The following CCNL2 variants were observed in gnomAD, a reference collection of about 807,000 sequenced individuals.
The protein encoded by CCNL2 is cyclin-L2.
Under a neutral mutation model 59.1 loss-of-function variants are expected in CCNL2, and 28 were observed. The ratio of observed to expected loss-of-function variants is 0.47; its 90% confidence interval spans 0.35 to 0.65. CCNL2 has a LOEUF of 0.65. CCNL2 is among the 30% of genes least tolerant of loss of function. The pLI is 0.00. For synonymous variants in CCNL2, 342 were observed against 288.6 expected, an observed-to-expected ratio of 1.19 and a Z score of -1.88; for missense variants, 714 against 717.4, an observed-to-expected ratio of 1.00 and a Z score of 0.05.
At chr1:1,392,286 G>T in intron 5 of CCNL2, 1 of 953,890 alleles carries the variant, frequency 1.0e-6, no homozygotes, top group South Asian at 4.8e-5. Context: ...GAAATCTTGA[G>T]AACATATAAA....
intron 5 of CCNL2, chr1:1,392,884 G>C: frequency 7.1e-7 from 1 of 1,403,642 alleles, no homozygotes; most frequent in Non-Finnish European, 1.0e-6. Context: ...AATTCAGTCA[G>C]CAAAAATATG....
At position 1,390,317 on chromosome 1, in the gene CCNL2, C is replaced by G; in HGVS notation, c.919G>C (p.Glu307Gln). The change falls in exon 8 of 11, where the codon GAG becomes CAG. Residue 307 changes from glutamate to glutamine, a missense_variant. By Grantham distance (29) the Glu-to-Gln change is conservative (BLOSUM62 2). Coordinates refer to ENST00000400809, the MANE Select transcript of CCNL2 (RefSeq NM_030937.6). ...EVEKRKHAIEEAKAQARGLLP... is the reference protein window; with the variant it reads ...EVEKRKHAIEQAKAQARGLLP... ...AGGCCCCGGGCTTGGGCCTTTGCCT[C>G]TTCGATAGCGTGCTTTCTTTTTTCC... The G allele has an allele frequency of 6.2e-7, 1 of 1,614,020 alleles. No homozygotes were observed. The highest frequency in any genetic ancestry group is 1.1e-5 in the South Asian group (1 of 91,072).
In CCNL2 at chr1:1,386,637, TAA is replaced by T. The variant is rs1484150008; in HGVS notation, c.*592_*593del. ...CACAGATCCAAATACCCTCACATTT[TAA>T]AAGTCAGGATTCCCTACACAAGTTT... On this transcript the variant is annotated 3_prime_UTR_variant, in exon 11 of 11. Transcript: ENST00000400809. The T allele has an allele frequency of 6.6e-6, 1 of 152,608 alleles. No individual in the cohort carries two copies. The highest frequency in any genetic ancestry group is 1.9e-4 in the East Asian group (1 of 5,192). 9.5% of individuals were successfully genotyped at this position (152,608 alleles called of 1,614,324 possible).
At chr1:1,393,012 A>G (rs1208874417) in intron 5 of CCNL2, 3 of 623,576 alleles carry the variant, frequency 4.8e-6, no homozygotes. Flanking sequence ...TCGGCCCCAG[A>G]ACCTTCTCTG....
chr1:1,394,820 A>G (rs1236308091), intron 4 of CCNL2, among the ~76,000 whole-genome samples: 1 of 149,142 alleles, frequency 6.7e-6, no homozygotes, highest in African/African-American at 2.5e-5. Context: ...GCACTTTGGG[A>G]GGCCAAGGTG....
chr1:1,388,304 C>CA (rs751409395), intron 8 of CCNL2: 8 of 511,142 alleles, frequency 1.6e-5, no homozygotes, highest in Non-Finnish European at 2.8e-5. Flanking sequence ...GGGCGGATCA[C>CA]AAAGTCAATA....
intron 4 of CCNL2, 199 bp downstream of exon 4, chr1:1,395,195 G>A (rs1376980129): frequency 1.2e-5 from 6 of 502,954 alleles, no homozygotes; most frequent in Non-Finnish European, 2.1e-5. Flanking sequence ...ACTTAAAAAT[G>A]TGTTACTAAA....
chr1:1,389,639 C>A (rs1010920233), intron 8 of CCNL2, among the ~76,000 whole-genome samples: 1 of 152,098 alleles, frequency 6.6e-6, no homozygotes, highest in Non-Finnish European at 1.5e-5. Flanking sequence ...CATAGCAAGA[C>A]CCAGACTCAA....
intron 3 of CCNL2, among the ~76,000 whole-genome samples, chr1:1,396,451 A>T (rs1320038711): frequency 6.7e-6 from 1 of 149,798 alleles, no homozygotes; most frequent in African/African-American, 2.5e-5. Flanking sequence ...TTTGTAGTAG[A>T]GATGGGGTTT....
intron 3 of CCNL2, among the ~76,000 whole-genome samples, chr1:1,397,980 G>C (rs763432259): frequency 2.6e-5 from 4 of 152,200 alleles, no homozygotes; most frequent in Non-Finnish European, 5.9e-5. Flanking sequence ...CACTGACATG[G>C]GTAAAGCAGG....
intron 5 of CCNL2, chr1:1,392,818 G>A: frequency 3.1e-6 from 5 of 1,612,012 alleles, no homozygotes; most frequent in Non-Finnish European, 4.2e-6. Context: ...GATTGAAAGA[G>A]TACAGAAAAG....
intron 5 of CCNL2, chr1:1,392,317 G>T: frequency 1.0e-6 from 1 of 986,436 alleles, no homozygotes; most frequent in East Asian, 1.0e-4. Flanking sequence ...TATTTGAAGT[G>T]ATACAATATT....
At chr1:1,398,544 C>A in intron 2 of CCNL2, 53 bp downstream of exon 2, 2 of 1,592,204 alleles carry the variant, frequency 1.3e-6, no homozygotes, top group South Asian at 1.1e-5. Context: ...AGTAACAAAC[C>A]GTTTTACCCT....
chr1:1,392,200 T>C, intron 5 of CCNL2: 1 of 508,714 alleles, frequency 2.0e-6, no homozygotes, highest in Non-Finnish European at 2.5e-6. Context: ...TCAGTAACCT[T>C]TCGGTGTCTA....
At chr1:1,395,774 G>C (rs139017531) in intron 3 of CCNL2, among the ~76,000 whole-genome samples, 1 of 152,138 alleles carries the variant, frequency 6.6e-6, no homozygotes, top group African/African-American at 2.4e-5. Flanking sequence ...ACCGAACATA[G>C]CAAGTTTTAG....
At chr1:1,398,729 G>C in intron 1 of CCNL2, 58 bp from the exon 2 acceptor site, 2 of 1,489,012 alleles carry the variant, frequency 1.3e-6, no homozygotes, top group African/African-American at 2.8e-5. Flanking sequence ...CTTCGCGGCC[G>C]AAAGTCATCG....
chr1:1,394,206 G>A (rs1159431272), intron 4 of CCNL2, among the ~76,000 whole-genome samples: 2 of 151,724 alleles, frequency 1.3e-5, no homozygotes, highest in Admixed American at 1.3e-4. Context: ...CGAACAAGCA[G>A]ATGAGGAAAC....
At chr1:1,391,977 G>C (rs534970689) in intron 5 of CCNL2, 3 of 179,260 alleles carry the variant, frequency 1.7e-5, no homozygotes, top group African/African-American at 7.2e-5. Flanking sequence ...TGACCTTCCA[G>C]CAATATCTCT....
chr1:1,390,113 CAAAAAAAA>C (rs546221507), intron 8 of CCNL2, 109 bp downstream of exon 8: 2 of 693,398 alleles, frequency 2.9e-6, no homozygotes, highest in East Asian at 3.1e-5. Context: ...GACCCTGTCT[CAAAAAAAA>C]AAAAAAAAAA....
Sources: gnomAD v4.1 joint callset for allele counts (sites outside exome capture counted in the v4.1 genomes callset) on GRCh38, gnomAD v4.1.1 for gene constraint, MANE v1.5 for transcripts, NCBI Gene and HGNC (gene_info 2026-07-23, HGNC 2026-07-21) for gene names.